ADTRP: variants seen among roughly 807,000 people sequenced by gnomAD.
The protein encoded by ADTRP is androgen dependent TFPI regulating protein.
Under a neutral mutation model 27.0 loss-of-function variants are expected in ADTRP, and 20 were observed. The observed-to-expected ratio is 0.74, with a 90% CI of 0.52 to 1.08. The LOEUF (loss-of-function observed/expected upper bound fraction) is 1.08, where lower values mean the gene tolerates loss of function less well. ADTRP is among the 50% of genes least tolerant of loss of function. ADTRP has a pLI of 0.00. For synonymous variants in ADTRP, 101 were observed against 105.2 expected, an observed-to-expected ratio of 0.96 and a Z score of 0.25; for missense variants, 251 against 275.0, an observed-to-expected ratio of 0.91 and a Z score of 0.62.
chr6:11,715,846 T>G (rs1761807404), intron 5 of ADTRP, among the ~76,000 whole-genome samples: 1 of 119,474 alleles, frequency 8.4e-6, no homozygotes, highest in Non-Finnish European at 1.7e-5. Context: ...TTTTGCTTTT[T>G]TATTAGATAC....
chr6:11,744,297 C>T (rs72819657), intron 3 of ADTRP, among the ~76,000 whole-genome samples: 5,647 of 152,286 alleles, frequency 0.037, 144 homozygotes, highest in African/African-American at 0.063. Context: ...CCTGCAGAAC[C>T]GTCAGCCAAA....
chr6:11,733,632 T>C (rs1284952097), intron 4 of ADTRP, among the ~76,000 whole-genome samples: 1 of 152,226 alleles, frequency 6.6e-6, no homozygotes, highest in Non-Finnish European at 1.5e-5. Context: ...TATGCTCCTC[T>C]TTCCCGGACA....
intron 1 of ADTRP, among the ~76,000 whole-genome samples, chr6:11,773,149 C>T (rs1262543117): frequency 6.6e-6 from 1 of 151,998 alleles, no homozygotes; most frequent in Non-Finnish European, 1.5e-5. Flanking sequence ...GGTATCAGAA[C>T]ATAATACAGG....
chr6:11,769,997 CG>C, intron 1 of ADTRP: 1 of 1,550,528 alleles, frequency 6.4e-7, no homozygotes, highest in Non-Finnish European at 8.7e-7. Flanking sequence ...TAGACTCCCC[CG>C]CCCACCACCA....
chr6:11,752,691 T>G (rs1320876078), intron 3 of ADTRP, among the ~76,000 whole-genome samples: 1 of 152,186 alleles, frequency 6.6e-6, no homozygotes, highest in African/African-American at 2.4e-5. Context: ...GCTAACCTCA[T>G]GTCTGCAATC....
At position 11,713,781 on chromosome 6, in the gene ADTRP, G is replaced by C. The variant is rs187945502; in HGVS notation, c.*697C>G. 6.6e-6 allele frequency: 1 copy of C among 152,320 alleles called. No homozygotes were observed. The highest frequency in any genetic ancestry group is 1.9e-4 in the East Asian group (1 of 5,194). The allele number at this position is 152,320 out of a possible 1,614,324, so 9.4% of individuals were successfully genotyped here. ...ACCTGCCCTGAATGCTTGCTCAGAAGAGAAACAGATTTCCCAGTATTTTTT... is the reference window on the plus strand; with the variant it reads ...ACCTGCCCTGAATGCTTGCTCAGAACAGAAACAGATTTCCCAGTATTTTTT... On this transcript the variant is annotated 3_prime_UTR_variant, in exon 6 of 6. Transcript: ENST00000414691.
chr6:11,717,457 C>T, intron 5 of ADTRP: 1 of 1,297,392 alleles, frequency 7.7e-7, no homozygotes, highest in Non-Finnish European at 1.0e-6. Context: ...TCAACATCAC[C>T]ATAGATACCA....
At chr6:11,761,462 A>G (rs1404651598) in intron 3 of ADTRP, among the ~76,000 whole-genome samples, 1 of 152,332 alleles carries the variant, frequency 6.6e-6, no homozygotes, top group East Asian at 1.9e-4. Flanking sequence ...TGTTAAAATC[A>G]AATGTCTTGC....
At chr6:11,745,805 T>TG (rs1477618292) in intron 3 of ADTRP, among the ~76,000 whole-genome samples, 1 of 152,194 alleles carries the variant, frequency 6.6e-6, no homozygotes, top group East Asian at 1.9e-4. Flanking sequence ...TTTTTGTTTT[T>TG]TTTGAGACAG....
chr6:11,764,681 G>A (rs977504707), intron 3 of ADTRP, among the ~76,000 whole-genome samples: 28 of 152,204 alleles, frequency 1.8e-4, no homozygotes, highest in African/African-American at 4.3e-4. Context: ...AAAAGGCAAC[G>A]AAGGGTGCAT....
At chr6:11,749,665 G>A (rs754922975) in intron 3 of ADTRP, among the ~76,000 whole-genome samples, 2 of 152,170 alleles carry the variant, frequency 1.3e-5, no homozygotes, top group Non-Finnish European at 2.9e-5. Context: ...AGGAGAGAGA[G>A]GTGCCCAGTG....
chr6:11,749,554 A>G (rs1247315438), intron 3 of ADTRP, among the ~76,000 whole-genome samples: 1 of 152,062 alleles, frequency 6.6e-6, no homozygotes, highest in Non-Finnish European at 1.5e-5. Context: ...AGCCTGGAAG[A>G]ACATCACCCT....
At chr6:11,741,810 C>T (rs1218444490) in intron 3 of ADTRP, among the ~76,000 whole-genome samples, 1 of 152,056 alleles carries the variant, frequency 6.6e-6, no homozygotes, top group Admixed American at 6.5e-5. Context: ...TCTCTCTCCA[C>T]CCCTCTAAAG....
intron 5 of ADTRP, chr6:11,717,498 G>T (rs1359210218): frequency 1.7e-6 from 2 of 1,206,532 alleles, no homozygotes; most frequent in East Asian, 6.5e-5. Flanking sequence ...TATTCCAATA[G>T]TTAGAAATCA....
At chr6:11,770,352 G>T (rs1313062420) in intron 1 of ADTRP, among the ~76,000 whole-genome samples, 1 of 152,170 alleles carries the variant, frequency 6.6e-6, no homozygotes, top group Non-Finnish European at 1.5e-5. Flanking sequence ...AGGAACTTCC[G>T]TTTGGAAATT....
At chr6:11,762,388 G>A (rs561070399) in intron 3 of ADTRP, among the ~76,000 whole-genome samples, 1 of 152,316 alleles carries the variant, frequency 6.6e-6, no homozygotes, top group South Asian at 2.1e-4. Context: ...CCAGATTTAA[G>A]ATTGCTAGAT....
At chr6:11,738,152 T>C (rs530867781) in intron 3 of ADTRP, among the ~76,000 whole-genome samples, 1 of 152,340 alleles carries the variant, frequency 6.6e-6, no homozygotes, top group African/African-American at 2.4e-5. Flanking sequence ...CTATTATCAG[T>C]GTGACTGTTG....
intron 3 of ADTRP, among the ~76,000 whole-genome samples, chr6:11,749,159 G>A (rs2113279911): frequency 6.6e-6 from 1 of 152,338 alleles, no homozygotes. Flanking sequence ...TAGAATGGAT[G>A]AGAGTAGCTA....
chr6:11,772,362 T>C (rs915002996), intron 1 of ADTRP, among the ~76,000 whole-genome samples: 7 of 152,244 alleles, frequency 4.6e-5, no homozygotes, highest in African/African-American at 9.7e-5. Flanking sequence ...TTAAAGGATA[T>C]TTAGTTTTTA....
Sources: gnomAD v4.1 joint callset for allele counts (sites outside exome capture counted in the v4.1 genomes callset) on GRCh38, gnomAD v4.1.1 for gene constraint, MANE v1.5 for transcripts, NCBI Gene and HGNC (gene_info 2026-07-23, HGNC 2026-07-21) for gene names.